The following ARNT2 variants were observed in gnomAD, a reference collection of about 807,000 sequenced individuals.
ARNT2 encodes the protein aryl hydrocarbon receptor nuclear translocator 2.
In ARNT2, 36 loss-of-function variants were observed where a neutral mutation model predicts 91.7. The observed-to-expected ratio is 0.39, with a 90% CI of 0.30 to 0.52. The LOEUF (loss-of-function observed/expected upper bound fraction) is 0.52. Among genes scored for constraint, ARNT2 ranks in the 20% least tolerant of loss-of-function variants. The probability of loss-of-function intolerance (pLI) is 0.72; values close to 1 mark genes in which losing one functional copy is unlikely to be tolerated. For missense variants in ARNT2, 775 were observed against 939.3 expected (o/e 0.83, Z 2.29); for synonymous variants, 365 against 347.1 (o/e 1.05, Z -0.57).
intron 8 of ARNT2, among the ~76,000 whole-genome samples, chr15:80,547,679 A>G (rs183855541): frequency 6.8e-4 from 103 of 152,368 alleles, no homozygotes; most frequent in Admixed American, 4.8e-3. Context: ...TCAGTGGTAA[A>G]ATTCAGATTT....
At chr15:80,564,811 C>T (rs985391999) in intron 12 of ARNT2, among the ~76,000 whole-genome samples, 3 of 152,132 alleles carry the variant, frequency 2.0e-5, no homozygotes, top group African/African-American at 4.8e-5. Context: ...CATTCATTCA[C>T]TTAGGGTAAT....
rs7179496 is a variant in ARNT2, at chr15:80,486,055, C to T, written c.622+10832C>T. Among the ~76,000 whole-genome samples, 1,101 of 152,252 alleles carry T rather than the reference C, an allele frequency of 7.2e-3. 15 individuals are homozygous for T. The highest frequency in any genetic ancestry group is 0.025 in the African/African-American group (1,056 of 41,538). The stretch of plus-strand genomic sequence containing the variant: ...GGAGGCTGTGAGGAAGAACCTGTTC[C>T]ATGGCTGTCTCCTAGCTCTGGTGGT... On this transcript the variant is annotated intron_variant, in intron 5 of 18. Coordinates refer to ENST00000303329, the MANE Select transcript of ARNT2 (RefSeq NM_014862.4).
chr15:80,522,939 G>A (rs1897577223), intron 8 of ARNT2, among the ~76,000 whole-genome samples: 1 of 151,978 alleles, frequency 6.6e-6, no homozygotes, highest in African/African-American at 2.4e-5. Context: ...GCGATCCTAA[G>A]AAGCAATGCC....
intron 8 of ARNT2, among the ~76,000 whole-genome samples, chr15:80,532,270 G>A (rs1206573377): frequency 4.6e-5 from 7 of 152,088 alleles, no homozygotes; most frequent in African/African-American, 1.7e-4. Context: ...GGTCACCCTA[G>A]AGCTTGAGCC....
intron 1 of ARNT2, among the ~76,000 whole-genome samples, chr15:80,424,896 T>C (rs1895911595): frequency 1.3e-5 from 2 of 152,244 alleles, no homozygotes; most frequent in South Asian, 4.1e-4. Context: ...GGGCTGCCTA[T>C]ATCTATGGCT....
At chr15:80,442,836 G>A (rs1443937381) in intron 1 of ARNT2, 2 of 985,332 alleles carry the variant, frequency 2.0e-6, no homozygotes. Flanking sequence ...GCCCTATACA[G>A]TGTAGGAGGA....
In ARNT2 at chr15:80,530,719, GC is replaced by G. The variant is rs1223059826; in HGVS notation, c.877+16315del. Among the ~76,000 whole-genome samples the G allele has an allele frequency of 2.0e-5, 3 of 152,140 alleles. 1 individual carries two copies. Among genetic ancestry groups the G allele is most frequent in the Non-Finnish European group, 4.4e-5 (3 of 68,018 alleles). On this transcript the variant is annotated intron_variant, in intron 8 of 18. Coordinates refer to ENST00000303329, the MANE Select transcript of ARNT2 (RefSeq NM_014862.4). ...CCAAAAGCACCTGGTATACTTCAAAGCTTTGCCTTGCAAAGTGGGGGATCCA... is the reference window on the plus strand; with the variant it reads ...CCAAAAGCACCTGGTATACTTCAAAGTTTGCCTTGCAAAGTGGGGGATCCA...
At chr15:80,486,060 C>CTG (rs1325953214) in intron 5 of ARNT2, among the ~76,000 whole-genome samples, 3 of 152,198 alleles carry the variant, frequency 2.0e-5, no homozygotes, top group African/African-American at 7.2e-5. Flanking sequence ...TGTTCCATGG[C>CTG]TGTCTCCTAG....
intron 8 of ARNT2, among the ~76,000 whole-genome samples, chr15:80,523,268 G>A (rs1897582505): frequency 6.6e-6 from 1 of 152,226 alleles, no homozygotes; most frequent in African/African-American, 2.4e-5. Context: ...CCGAGCATGT[G>A]TGCTGGCTCC....
At chr15:80,419,427 G>C (rs6495499) in intron 1 of ARNT2, among the ~76,000 whole-genome samples, 132,978 of 152,244 alleles carry the variant, frequency 0.87, 58,408 homozygotes, top group African/African-American at 0.95. Context: ...AGCCTTGAAA[G>C]GCTGATCCTA....
At chr15:80,468,058 G>A (rs898417550) in intron 3 of ARNT2, among the ~76,000 whole-genome samples, 2 of 151,798 alleles carry the variant, frequency 1.3e-5, no homozygotes, top group African/African-American at 2.4e-5. Flanking sequence ...ATCTACCCCC[G>A]AGTCAACAAG....
At chr15:80,433,562 G>T (rs1000075798) in intron 1 of ARNT2, among the ~76,000 whole-genome samples, 1 of 152,032 alleles carries the variant, frequency 6.6e-6, no homozygotes, top group Non-Finnish European at 1.5e-5. Context: ...GCCTCCCAAA[G>T]TGCTGGAATT....
In ARNT2 at chr15:80,596,787, G is replaced by T. The variant is rs977443242; in HGVS notation, c.*3089G>T. 4.3e-6 allele frequency: 1 copy of T among 234,348 alleles called. No homozygotes were observed. The highest frequency in any genetic ancestry group is 5.7e-5 in the South Asian group (1 of 17,492). 14.5% of individuals were successfully genotyped at this position (234,348 alleles called of 1,614,324 possible). A position where few individuals can be genotyped will look rare whatever the true frequency, so the allele number is the denominator to read the frequency against. On this transcript the variant is annotated 3_prime_UTR_variant, in exon 19 of 19. Transcript: ENST00000303329. Reference sequence around the variant, plus strand: ...CAAGCAGACAGCTCCCCACTGAAGAGGTCTGTACAGTGACAACCCGGGCCG... The same window carrying T: ...CAAGCAGACAGCTCCCCACTGAAGATGTCTGTACAGTGACAACCCGGGCCG...
At chr15:80,497,806 T>C (rs1897140994) in intron 5 of ARNT2, among the ~76,000 whole-genome samples, 1 of 152,196 alleles carries the variant, frequency 6.6e-6, no homozygotes, top group Non-Finnish European at 1.5e-5. Flanking sequence ...TAATTATAAG[T>C]ATATTCTTCC....
chr15:80,415,804 A>C (rs1207686306), intron 1 of ARNT2, among the ~76,000 whole-genome samples: 1 of 152,214 alleles, frequency 6.6e-6, no homozygotes, highest in Non-Finnish European at 1.5e-5. Context: ...AGGCTATCAT[A>C]TCCCCAGCTA....
chr15:80,423,974 C>A (rs1895899366), intron 1 of ARNT2, among the ~76,000 whole-genome samples: 1 of 152,220 alleles, frequency 6.6e-6, no homozygotes, highest in African/African-American at 2.4e-5. Context: ...TGTTTCTCTT[C>A]CTCGTGGTCC....
intron 8 of ARNT2, among the ~76,000 whole-genome samples, chr15:80,517,606 T>G (rs1157471090): frequency 6.6e-6 from 1 of 151,926 alleles, no homozygotes; most frequent in Admixed American, 6.5e-5. Context: ...TTTGAAATTG[T>G]ACCACAATTT....
chr15:80,520,848 C>T (rs913074137), intron 8 of ARNT2, among the ~76,000 whole-genome samples: 7 of 152,066 alleles, frequency 4.6e-5, no homozygotes, highest in South Asian at 4.2e-4. Context: ...GAATACTTGC[C>T]GGTAGCACTT....
chr15:80,446,515 A>G (rs1046458497), intron 1 of ARNT2, among the ~76,000 whole-genome samples: 19 of 152,182 alleles, frequency 1.2e-4, no homozygotes, highest in African/African-American at 4.6e-4. Context: ...ACCCCAGGGA[A>G]GGATCTGCCT....
Sources: gnomAD v4.1 joint callset for allele counts (sites outside exome capture counted in the v4.1 genomes callset) on GRCh38, gnomAD v4.1.1 for gene constraint, MANE v1.5 for transcripts, NCBI Gene and HGNC (gene_info 2026-07-23, HGNC 2026-07-21) for gene names.